The following LIPA variants were observed in gnomAD, a reference collection of about 807,000 sequenced individuals.
LIPA encodes lysosomal acid lipase/cholesteryl ester hydrolase.
LIPA carries 26 observed loss-of-function variants against 40.6 expected under a neutral mutation model. The observed-to-expected ratio is 0.64, with a 90% CI of 0.47 to 0.89. The LOEUF is 0.89. LIPA is among the 40% of genes least tolerant of loss of function. The pLI, the probability that LIPA is intolerant of heterozygous loss-of-function variation, is 0.00. For synonymous variants in LIPA, 188 were observed against 168.4 expected (o/e 1.12, Z -0.90); for missense variants, 455 against 479.6 (o/e 0.95, Z 0.48).
At chr10:89,388,455 A>AT (rs1844224273) in intron 2 of LIPA, among the ~76,000 whole-genome samples, 1 of 152,170 alleles carries the variant, frequency 6.6e-6, no homozygotes, top group Non-Finnish European at 1.5e-5. Context: ...GTGTTTTGTT[A>AT]ATTTTGTTAT....
At chr10:89,324,624 A>G (rs1324344528) in intron 1 of LIPA, among the ~76,000 whole-genome samples, 1 of 152,160 alleles carries the variant, frequency 6.6e-6, no homozygotes, top group Non-Finnish European at 1.5e-5. Context: ...ATGCATAACC[A>G]AAGGTCTAAT....
At position 89,403,162 on chromosome 10, in the gene LIPA, AG is replaced by A. The variant is rs1181934711; in HGVS notation, c.61+9628del. On this transcript the variant is annotated intron_variant, in intron 2 of 8. Coordinates refer to the LIPA transcript ENST00000371837. ...CATCACCAGATAGGGCTTTGCTACAAGGCACAAATGATCCAAATCAAGGAGG... is the reference window on the plus strand; with the variant it reads ...CATCACCAGATAGGGCTTTGCTACAAGCACAAATGATCCAAATCAAGGAGG... 6.2e-6 allele frequency: 10 copies of A among 1,613,860 alleles called. No individual in the cohort carries two copies. The Admixed American group carries it at 1.7e-4, about 27-fold the overall frequency.
At chr10:89,295,341 G>A (rs572974770) in intron 1 of LIPA, among the ~76,000 whole-genome samples, 1 of 152,152 alleles carries the variant, frequency 6.6e-6, no homozygotes, top group African/African-American at 2.4e-5. Context: ...GTTAAAAATA[G>A]ACTCAAAACA....
At chr10:89,263,796 A>C (rs10749602) in intron 1 of LIPA, among the ~76,000 whole-genome samples, 64,101 of 152,116 alleles carry the variant, frequency 0.42, 14,086 homozygotes, top group East Asian at 0.82. Flanking sequence ...CTCCAAGGTC[A>C]AGCCAGGTGT....
chr10:89,327,833 C>A, intron 1 of LIPA: 1 of 527,808 alleles, frequency 1.9e-6, no homozygotes, highest in Non-Finnish European at 3.4e-6. Context: ...AGGTCTCAAG[C>A]CGTTAGGTTT....
At chr10:89,388,339 C>A (rs1768120934) in intron 2 of LIPA, among the ~76,000 whole-genome samples, 1 of 152,198 alleles carries the variant, frequency 6.6e-6, no homozygotes, top group South Asian at 2.1e-4. Flanking sequence ...CCCCTGACCT[C>A]AGGTGATCCG....
chr10:89,347,633 T>C (rs1416386821), upstream of LIPA, among the ~76,000 whole-genome samples: 1 of 152,212 alleles, frequency 6.6e-6, no homozygotes, highest in African/African-American at 2.4e-5. Flanking sequence ...TCTCAGTTTT[T>C]TCCAATACAT....
At chr10:89,392,009 T>A (rs954059008) in intron 2 of LIPA, among the ~76,000 whole-genome samples, 2 of 152,174 alleles carry the variant, frequency 1.3e-5, no homozygotes, top group Non-Finnish European at 2.9e-5. Flanking sequence ...AATAGAGGGC[T>A]CTCTATTTCA....
intron 1 of LIPA, among the ~76,000 whole-genome samples, chr10:89,328,955 A>C (rs527280351): frequency 5.3e-5 from 8 of 152,322 alleles, no homozygotes; most frequent in African/African-American, 1.9e-4. Context: ...ACCAAAACTC[A>C]TCAGACTATA....
chr10:89,228,003 T>C (rs1302120001), intron 4 of LIPA, among the ~76,000 whole-genome samples, 197 bp downstream of exon 4: 2 of 152,250 alleles, frequency 1.3e-5, no homozygotes, highest in East Asian at 3.8e-4. Flanking sequence ...TAAATCTTAA[T>C]GTAATCATTT....
intron 1 of LIPA, among the ~76,000 whole-genome samples, chr10:89,336,088 C>A (rs780324688): frequency 7.9e-6 from 1 of 125,812 alleles, no homozygotes; most frequent in African/African-American, 3.0e-5. Context: ...CCACTCTGGG[C>A]AATATAGTGA....
chr10:89,387,102 G>T (rs1183831649), intron 2 of LIPA, among the ~76,000 whole-genome samples: 1 of 152,006 alleles, frequency 6.6e-6, no homozygotes, highest in Non-Finnish European at 1.5e-5. Context: ...AGATCATGGG[G>T]TCAGGAGATC....
At chr10:89,353,266 G>A (rs559636363) in intron 2 of LIPA, among the ~76,000 whole-genome samples, 2 of 152,190 alleles carry the variant, frequency 1.3e-5, no homozygotes, top group Non-Finnish European at 2.9e-5. Context: ...GTGGGCTCAA[G>A]CATGTGCACT....
chr10:89,306,354 T>C, intron 1 of LIPA: 2 of 1,614,076 alleles, frequency 1.2e-6, no homozygotes, highest in Non-Finnish European at 1.7e-6. Context: ...CCCTATAGAA[T>C]TGAGAGTCCA....
intron 3 of LIPA, among the ~76,000 whole-genome samples, chr10:89,238,295 G>T (rs191555086): frequency 2.6e-5 from 4 of 152,204 alleles, no homozygotes; most frequent in Non-Finnish European, 5.9e-5. Context: ...TTCTAAAACA[G>T]CACCAGACGA....
upstream of LIPA, among the ~76,000 whole-genome samples, chr10:89,253,850 C>T (rs556061330): frequency 1.6e-4 from 24 of 152,292 alleles, no homozygotes; most frequent in South Asian, 8.3e-4. Flanking sequence ...AGCTAAAAGC[C>T]GCATGCAAGT....
chr10:89,399,065 C>T (rs1270081190), intron 2 of LIPA, among the ~76,000 whole-genome samples: 1 of 151,950 alleles, frequency 6.6e-6, no homozygotes, highest in Non-Finnish European at 1.5e-5. Flanking sequence ...TAATAGCCAA[C>T]CTAACAGACA....
intron 2 of LIPA, among the ~76,000 whole-genome samples, chr10:89,390,525 G>A (rs532300408): frequency 6.6e-6 from 1 of 152,206 alleles, no homozygotes; most frequent in South Asian, 2.1e-4. Context: ...TTAGACTCCT[G>A]GGAATGAACT....
intron 1 of LIPA, among the ~76,000 whole-genome samples, chr10:89,286,995 C>G (rs1416553672): frequency 1.3e-5 from 2 of 152,218 alleles, no homozygotes; most frequent in Non-Finnish European, 2.9e-5. Flanking sequence ...GGCCACTGGG[C>G]CAAGGAATGC....
Sources: allele counts gnomAD v4.1 joint callset (sites outside exome capture counted in the v4.1 genomes callset), GRCh38; gene constraint gnomAD v4.1.1; transcripts MANE v1.5; gene names NCBI Gene and HGNC (gene_info 2026-07-23, HGNC 2026-07-21).